SV2B: variants seen among roughly 807,000 people sequenced by gnomAD.
The protein encoded by SV2B is solute carrier family 22 member B2.
SV2B carries 41 observed loss-of-function variants against 73.9 expected under a neutral mutation model. The observed-to-expected ratio is 0.56, with a 90% CI of 0.43 to 0.72. SV2B has a LOEUF of 0.72. Ranked by LOEUF, SV2B falls within the 30% of genes least tolerant of loss-of-function variation. The probability of loss-of-function intolerance (pLI) is 0.00; values close to 1 mark genes in which losing one functional copy is unlikely to be tolerated. For synonymous variants in SV2B, 314 were observed against 314.2 expected, an observed-to-expected ratio of 1.00 and a Z score of 0.01; for missense variants, 764 against 857.8, an observed-to-expected ratio of 0.89 and a Z score of 1.37.
chr15:91,295,858 A>C lies in SV2B; in HGVS notation c.*3306A>C, dbSNP rs543156869. 4 of 152,272 alleles carry C rather than the reference A, an allele frequency of 2.6e-5. No individual in the cohort carries two copies. The highest frequency in any genetic ancestry group is 9.6e-5 in the African/African-American group (4 of 41,548). The allele number at this position is 152,272 out of a possible 1,614,324, so 9.4% of individuals were successfully genotyped here. A position where few individuals can be genotyped will look rare whatever the true frequency, so the allele number is the denominator to read the frequency against. The stretch of plus-strand genomic sequence containing the variant: ...GCCCTGGGGACACAGTGATGAAAAA[A>C]CTGGCCACAGTTTCTGCTTCCTGCC... On this transcript the variant is annotated 3_prime_UTR_variant, in exon 13 of 13. Coordinates refer to ENST00000394232, the MANE Select transcript of SV2B (RefSeq NM_001323032.3).
In SV2B at chr15:91,136,803, C is replaced by T. The variant is rs1168275515; in HGVS notation, c.-392+36440C>T. On this transcript the variant is annotated intron_variant, in intron 1 of 12. Transcript: ENST00000394232. This position sits in a 1 kb window ranked among gnomAD's most constrained non-coding sequence, Gnocchi z 5.6. Reference sequence around the variant, plus strand: ...GCCAAGAGGCATCTGAAGGCTGGCACATGGGATCCAGAGGTGGGTGGCAGT... The same window carrying T: ...GCCAAGAGGCATCTGAAGGCTGGCATATGGGATCCAGAGGTGGGTGGCAGT... 2.0e-5 allele frequency among the ~76,000 whole-genome samples: 3 copies of T among 152,152 alleles called. No individual in the cohort carries two copies. Among genetic ancestry groups the T allele is most frequent in the Non-Finnish European group, 2.9e-5 (2 of 68,032 alleles).
At chr15:91,138,788 C>A (rs867632945) in intron 1 of SV2B, among the ~76,000 whole-genome samples, 2 of 152,054 alleles carry the variant, frequency 1.3e-5, no homozygotes, top group African/African-American at 4.8e-5. Context: ...GGTTTTGTTA[C>A]CTGCAGGGAG....
At chr15:91,127,934 C>A (rs138895529) in intron 1 of SV2B, among the ~76,000 whole-genome samples, 1 of 152,310 alleles carries the variant, frequency 6.6e-6, no homozygotes, top group East Asian at 1.9e-4. Flanking sequence ...AAGTGACATG[C>A]ATTTTATGAA....
intron 10 of SV2B, among the ~76,000 whole-genome samples, chr15:91,282,943 T>G (rs1224635626): frequency 6.6e-6 from 1 of 152,256 alleles, no homozygotes; most frequent in African/African-American, 2.4e-5. Context: ...TATTGTTTTA[T>G]GATTTCAAGT....
At chr15:91,188,414 C>T (rs556319097) in intron 1 of SV2B, among the ~76,000 whole-genome samples, 131 of 152,150 alleles carry the variant, frequency 8.6e-4, no homozygotes, top group African/African-American at 2.7e-3. Context: ...CTCGGGCTCA[C>T]GCCATTCTCC....
chr15:91,183,988 A>T (rs751872923), intron 1 of SV2B, among the ~76,000 whole-genome samples: 92 of 152,256 alleles, frequency 6.0e-4, no homozygotes, highest in Non-Finnish European at 1.1e-3. Context: ...CAGTATCATC[A>T]GGAGTTATTT....
intron 1 of SV2B, among the ~76,000 whole-genome samples, chr15:91,201,917 A>C (rs563188647): frequency 8.6e-5 from 13 of 152,018 alleles, no homozygotes; most frequent in African/African-American, 2.7e-4. Context: ...AACCCCATCA[A>C]ATCTATTCTC....
Position 91,226,418 on chromosome 15 carries a change from G to C in SV2B, c.155G>C (p.Gly52Ala). ...EDEIYEGEYQ[G>A]IPHPDDVKAK... ...GAGATCTATGAGGGCGAGTACCAGG[G>C]TATCCCTCACCCAGATGATGTCAAG... Residue 52 changes from glycine (G) to alanine (A), a missense_variant, in exon 2 of 13, where the codon GGT (glycine) becomes GCT (alanine). Physicochemically the swap from Gly to Ala is moderately conservative, Grantham distance 60. Coordinates refer to ENST00000394232, the MANE Select transcript of SV2B (RefSeq NM_001323032.3). The C allele has an allele frequency of 6.2e-7, 1 of 1,614,192 alleles. No homozygotes were observed. Among genetic ancestry groups the C allele is most frequent in the Non-Finnish European group, 8.5e-7 (1 of 1,180,028 alleles).
Position 91,248,216 on chromosome 15 carries a change from G to C in SV2B, c.452-3603G>C, listed in dbSNP as rs1312857629. On this transcript the variant is annotated intron_variant, in intron 2 of 12. Coordinates refer to ENST00000394232, the MANE Select transcript of SV2B (RefSeq NM_001323032.3). The stretch of plus-strand genomic sequence containing the variant: ...GGCGCCTGTAGTCCCAGCTACTAGG[G>C]AGGCTGAGGCAGGAGGATGGCGTGA... 2.6e-5 allele frequency among the ~76,000 whole-genome samples: 4 copies of C among 152,162 alleles called. No homozygotes were observed. In the East Asian group the frequency reaches 7.7e-4, roughly 29 times the overall value.
At chr15:91,107,781 T>A (rs1382004726) in intron 1 of SV2B, among the ~76,000 whole-genome samples, 4 of 152,104 alleles carry the variant, frequency 2.6e-5, no homozygotes, top group African/African-American at 9.7e-5. Flanking sequence ...GGCTAATTTT[T>A]AAATTTTTTT....
At chr15:91,109,189 G>A (rs2041971002) in intron 1 of SV2B, among the ~76,000 whole-genome samples, 1 of 152,346 alleles carries the variant, frequency 6.6e-6, no homozygotes, top group Non-Finnish European at 1.5e-5. Context: ...TTGGAAAAGT[G>A]GATGCACAAT....
chr15:91,191,063 C>CTTT lies in SV2B; in HGVS notation c.-391-34791_-391-34789dup, dbSNP rs59849012. Reference sequence around the variant, plus strand: ...TACCCTGGTGGTTTTTTTGGTGTTTCTTTTTTTTTTTTTTTTTTTTTGACA... The same window carrying CTTT: ...TACCCTGGTGGTTTTTTTGGTGTTTCTTTTTTTTTTTTTTTTTTTTTTTTGACA... On this transcript the variant is annotated intron_variant, in intron 1 of 12. Transcript: ENST00000394232. Among the ~76,000 whole-genome samples the CTTT allele has an allele frequency of 5.9e-3, 378 of 64,218 alleles. 47 individuals carry two copies. Among genetic ancestry groups the CTTT allele is most frequent in the East Asian group, 0.021 (27 of 1,290 alleles). The allele number at this position is 64,218 out of a possible 152,430, so 42.1% of individuals were successfully genotyped here. A position where few individuals can be genotyped will look rare whatever the true frequency, so the allele number is the denominator to read the frequency against.
intron 1 of SV2B, among the ~76,000 whole-genome samples, chr15:91,202,634 A>G (rs1201797129): frequency 6.6e-6 from 1 of 152,226 alleles, no homozygotes; most frequent in African/African-American, 2.4e-5. Context: ...CCTGGGAAGC[A>G]GAGGGAGATT....
intron 5 of SV2B, among the ~76,000 whole-genome samples, chr15:91,259,006 G>A (rs2047810572): frequency 6.6e-6 from 1 of 151,878 alleles, no homozygotes. Flanking sequence ...TGAGGTGGGA[G>A]GACTGCTTGG....
At chr15:91,101,744 A>G (rs1225240420) in intron 1 of SV2B, 1 of 152,062 alleles carries the variant, frequency 6.6e-6, no homozygotes, top group Non-Finnish European at 1.5e-5. Flanking sequence ...CATTGCCATC[A>G]CTGCCACTGG....
chr15:91,196,754 A>G (rs2141370108), intron 1 of SV2B, among the ~76,000 whole-genome samples: 1 of 152,368 alleles, frequency 6.6e-6, no homozygotes, highest in East Asian at 1.9e-4. Context: ...GCTGAACAGG[A>G]TGTGCCTACA....
chr15:91,116,896 AC>A, intron 1 of SV2B, among the ~76,000 whole-genome samples: 1 of 152,350 alleles, frequency 6.6e-6, no homozygotes, highest in East Asian at 1.9e-4. Context: ...GTGCAGGGGA[AC>A]TGCTCTTTAT....
At chr15:91,131,135 A>T (rs1340386221) in intron 1 of SV2B, among the ~76,000 whole-genome samples, 3 of 144,794 alleles carry the variant, frequency 2.1e-5, no homozygotes, top group Non-Finnish European at 4.5e-5. Flanking sequence ...TTCAGGGAAA[A>T]GATGTTTTCT....
rs2042251606 is a variant in SV2B, at chr15:91,118,934, G to A, written c.-392+18571G>A. ...CAATACTTTATATACTGGTGAATGAGCTGTCTCGGCTTGGAGGCAGGGCCT... is the reference window on the plus strand; with the variant it reads ...CAATACTTTATATACTGGTGAATGAACTGTCTCGGCTTGGAGGCAGGGCCT... On this transcript the variant is annotated intron_variant, in intron 1 of 12. Coordinates refer to ENST00000394232, the MANE Select transcript of SV2B (RefSeq NM_001323032.3). The surrounding 1 kb of genome is among the most constrained non-coding windows in gnomAD (Gnocchi z 4.7). Among the ~76,000 whole-genome samples, 1 of 152,162 alleles carries A rather than the reference G, an allele frequency of 6.6e-6. No homozygotes were observed. The highest frequency in any genetic ancestry group is 2.4e-5 in the African/African-American group (1 of 41,422).
Sources: gnomAD v4.1 joint callset for allele counts (sites outside exome capture counted in the v4.1 genomes callset) on GRCh38, gnomAD v4.1.1 for gene constraint, Gnocchi (gnomAD v3.1) non-coding constraint, MANE v1.5 for transcripts, NCBI Gene and HGNC (gene_info 2026-07-23, HGNC 2026-07-21) for gene names.